Variants in GNAQ observed in about 807,000 individuals in gnomAD.
GNAQ encodes G protein subunit alpha q.
GNAQ carries 8 observed loss-of-function variants against 43.9 expected under a neutral mutation model. The ratio of observed to expected loss-of-function variants is 0.18; its 90% CI spans 0.11 to 0.33. GNAQ has a LOEUF of 0.33. Ranked by LOEUF, GNAQ falls within the 10% of genes least tolerant of loss-of-function variation. The pLI is 1.00. For synonymous variants in GNAQ, 155 were observed against 170.7 expected, an observed-to-expected ratio of 0.91 and a Z score of 0.71; for missense variants, 158 against 450.8, an observed-to-expected ratio of 0.35 and a Z score of 5.88.
intron 3 of GNAQ, among the ~76,000 whole-genome samples, chr9:77,814,868 C>G (rs943104388): frequency 1.3e-5 from 2 of 152,210 alleles, no homozygotes; most frequent in Non-Finnish European, 2.9e-5. Flanking sequence ...AAAGAAAACT[C>G]ACTATTCAGG....
At chr9:77,755,625 T>C (rs1386966218) in intron 5 of GNAQ, among the ~76,000 whole-genome samples, 1 of 152,224 alleles carries the variant, frequency 6.6e-6, no homozygotes, top group African/African-American at 2.4e-5. Context: ...TCCTTTTTCC[T>C]TTATCATGTG....
chr9:77,841,559 T>C (rs1391153806), intron 2 of GNAQ, among the ~76,000 whole-genome samples: 9 of 152,244 alleles, frequency 5.9e-5, no homozygotes, highest in Admixed American at 3.9e-4. Context: ...TCTTCCCCCT[T>C]TGCCTCCAAC....
intron 1 of GNAQ, among the ~76,000 whole-genome samples, chr9:77,938,852 T>C (rs1032800415): frequency 9.2e-5 from 14 of 152,228 alleles, no homozygotes; most frequent in Non-Finnish European, 1.9e-4. Flanking sequence ...GAAACGCTGC[T>C]AAGTATGCAC....
At chr9:77,823,521 A>G (rs1827147155) in intron 2 of GNAQ, among the ~76,000 whole-genome samples, 1 of 152,122 alleles carries the variant, frequency 6.6e-6, no homozygotes. Flanking sequence ...GCTATAAAGA[A>G]CTACCTGAGA....
intron 5 of GNAQ, among the ~76,000 whole-genome samples, chr9:77,793,928 T>C (rs1314617662): frequency 6.6e-6 from 1 of 152,068 alleles, no homozygotes; most frequent in African/African-American, 2.4e-5. Flanking sequence ...AGAGACAAAA[T>C]TATGCAACAG....
At chr9:77,730,672 G>C (rs1018999079) in intron 5 of GNAQ, among the ~76,000 whole-genome samples, 1 of 152,146 alleles carries the variant, frequency 6.6e-6, no homozygotes, top group African/African-American at 2.4e-5. Flanking sequence ...TAGCTCAAAA[G>C]ACAGTGTTTA....
chr9:78,009,665 T>A (rs1823750190), intron 1 of GNAQ, among the ~76,000 whole-genome samples: 1 of 152,184 alleles, frequency 6.6e-6, no homozygotes, highest in Admixed American at 6.5e-5. Flanking sequence ...ACTACAAATC[T>A]TATTGTAACA....
chr9:77,815,432 A>G (rs1480940987), intron 3 of GNAQ, among the ~76,000 whole-genome samples, 184 bp downstream of exon 3: 1 of 152,186 alleles, frequency 6.6e-6, no homozygotes, highest in Non-Finnish European at 1.5e-5. Flanking sequence ...TCATGATACC[A>G]GTCCTTTATA....
chr9:77,933,981 G>T (rs191158265), intron 1 of GNAQ, among the ~76,000 whole-genome samples: 1 of 152,300 alleles, frequency 6.6e-6, no homozygotes, highest in Admixed American at 6.5e-5. Context: ...CCTCAGGATA[G>T]AACAGCTCAT....
In GNAQ at chr9:77,719,464, G is replaced by T. The variant is rs1337603265; in HGVS notation, c.*1859C>A. The T allele has an allele frequency of 4.3e-6, 1 of 232,566 alleles. No homozygotes were observed. The highest frequency in any genetic ancestry group is 8.5e-6 in the Non-Finnish European group (1 of 117,710). The allele number at this position is 232,566 out of a possible 1,614,324, so 14.4% of individuals were successfully genotyped here. A position where few individuals can be genotyped will look rare whatever the true frequency, so the allele number is the denominator to read the frequency against. On this transcript the variant is annotated 3_prime_UTR_variant, in exon 7 of 7. Transcript: ENST00000286548. Reference sequence around the variant, plus strand: ...AAAAAAGTAAGCTGTGTTGTTTGAGGCTGGGAGAATCAAGGATGAGAACAT... The same window carrying T: ...AAAAAAGTAAGCTGTGTTGTTTGAGTCTGGGAGAATCAAGGATGAGAACAT...
intron 1 of GNAQ, among the ~76,000 whole-genome samples, chr9:77,946,333 G>A (rs972535457): frequency 1.3e-5 from 2 of 152,168 alleles, no homozygotes; most frequent in African/African-American, 2.4e-5. Context: ...GAATCACACT[G>A]CCAACCAAAA....
At chr9:78,004,192 A>T (rs1823677683) in intron 1 of GNAQ, among the ~76,000 whole-genome samples, 1 of 151,134 alleles carries the variant, frequency 6.6e-6, no homozygotes, top group Admixed American at 6.6e-5. Context: ...ACTAATGACC[A>T]TCCAAAGTTG....
At chr9:77,737,341 A>C (rs1266499215) in intron 5 of GNAQ, among the ~76,000 whole-genome samples, 1 of 152,162 alleles carries the variant, frequency 6.6e-6, no homozygotes, top group East Asian at 1.9e-4. Flanking sequence ...CTGTCATTGT[A>C]AGTGATGTTG....
At chr9:77,736,609 C>A (rs1244995066) in intron 5 of GNAQ, among the ~76,000 whole-genome samples, 1 of 152,124 alleles carries the variant, frequency 6.6e-6, no homozygotes, top group Admixed American at 6.5e-5. Context: ...TCTAAGGTTA[C>A]TAAGCAATAA....
intron 1 of GNAQ, among the ~76,000 whole-genome samples, chr9:78,025,667 A>G (rs1232630335): frequency 2.0e-5 from 3 of 152,180 alleles, no homozygotes; most frequent in Non-Finnish European, 4.4e-5. Flanking sequence ...TGAGGGAGAA[A>G]GCAATCCTAA....
intron 2 of GNAQ, among the ~76,000 whole-genome samples, chr9:77,880,847 G>C: frequency 6.6e-6 from 1 of 152,088 alleles, no homozygotes; most frequent in East Asian, 1.9e-4. Flanking sequence ...TGCTTCCCAG[G>C]GTCTGTCCCT....
chr9:78,007,135 C>T (rs1823716891), intron 1 of GNAQ, among the ~76,000 whole-genome samples: 1 of 152,088 alleles, frequency 6.6e-6, no homozygotes, highest in Non-Finnish European at 1.5e-5. Context: ...AGATAGGTGA[C>T]ATTTGCCTCT....
intron 5 of GNAQ, among the ~76,000 whole-genome samples, chr9:77,747,006 A>AAAAATAT (rs1427928823): frequency 2.6e-5 from 4 of 152,150 alleles, no homozygotes; most frequent in African/African-American, 9.7e-5. Context: ...TGATTTTTAA[A>AAAAATAT]CTTAAAAAAA....
At chr9:78,030,526 C>A (rs1301934339) in intron 1 of GNAQ, 1 of 471,024 alleles carries the variant, frequency 2.1e-6, no homozygotes. Context: ...ATGAGTGCTC[C>A]GGGAATCCAG....
Sources: gnomAD v4.1 joint callset for allele counts (sites outside exome capture counted in the v4.1 genomes callset) on GRCh38, gnomAD v4.1.1 for gene constraint, MANE v1.5 for transcripts, NCBI Gene and HGNC (gene_info 2026-07-23, HGNC 2026-07-21) for gene names.